PLXDC2: variants seen among roughly 807,000 people sequenced by gnomAD.
PLXDC2 encodes the protein plexin domain containing 2.
Under a neutral mutation model 68.9 loss-of-function variants are expected in PLXDC2, and 40 were observed. The ratio of observed to expected loss-of-function variants is 0.58; its 90% CI spans 0.45 to 0.76. The LOEUF is 0.76. Ranked by LOEUF, PLXDC2 falls within the 30% of genes least tolerant of loss-of-function variation. PLXDC2 has a pLI of 0.00. For synonymous variants in PLXDC2, 243 were observed against 234.2 expected (o/e 1.04, Z -0.34); for missense variants, 644 against 661.9 (o/e 0.97, Z 0.30).
chr10:19,817,078 G>A lies in PLXDC2; in HGVS notation c.-2G>A. 2 of 1,506,282 alleles carry A rather than the reference G, an allele frequency of 1.3e-6. No homozygotes were observed. Among genetic ancestry groups the A allele is most frequent in the Admixed American group, 2.0e-5 (1 of 49,192 alleles). The allele number at this position is 1,506,282 out of a possible 1,614,324, so 93.3% of individuals were successfully genotyped here. ...GTGGGGTAGGGAGGTGGCGGCGGCG[G>A]CATGGCGAGGTTCCCGAAGGCCGAC... On this transcript the variant is annotated 5_prime_UTR_variant, in exon 1 of 14. Transcript: ENST00000377252.
At chr10:19,852,323 G>A (rs1837132940) in intron 1 of PLXDC2, among the ~76,000 whole-genome samples, 1 of 150,152 alleles carries the variant, frequency 6.7e-6, no homozygotes, top group African/African-American at 2.4e-5. Context: ...GGAGGTTGTG[G>A]TACCAGGTAG....
rs11011823 is a variant in PLXDC2 at position 20,139,450 on chromosome 10, T to C, written c.542-3845T>C. Among the ~76,000 whole-genome samples the C allele has an allele frequency of 2.0e-5, 3 of 152,236 alleles. No homozygotes were observed. The East Asian group carries it at 5.8e-4, about 29-fold the overall frequency. On this transcript the variant is annotated intron_variant, in intron 4 of 13. Coordinates refer to ENST00000377252, the MANE Select transcript of PLXDC2 (RefSeq NM_032812.9). Reference sequence around the variant, plus strand: ...AATCACATAGTAAGCAAAGGAGACATTGTATGATTAGCTCTTCAAATGGCT... The same window carrying C: ...AATCACATAGTAAGCAAAGGAGACACTGTATGATTAGCTCTTCAAATGGCT...
rs1231492967 is a variant in PLXDC2 at position 20,063,737 on chromosome 10, G to A, written c.472-4433G>A. Among the ~76,000 whole-genome samples, 10 of 152,206 alleles carry A rather than the reference G, an allele frequency of 6.6e-5. No homozygotes were observed. The South Asian group carries it at 1.2e-3, about 19-fold the overall frequency. On this transcript the variant is annotated intron_variant, in intron 3 of 13. Transcript: ENST00000377252. ...AATGAGTCTGATAGTCTGTTGCCCC[G>A]AGAAATTGTAATGGGGTATGTTTTG...
chr10:20,086,098 T>C (rs532432691), intron 4 of PLXDC2, among the ~76,000 whole-genome samples: 2 of 152,046 alleles, frequency 1.3e-5, no homozygotes, highest in South Asian at 4.2e-4. Context: ...TCATCCTGAG[T>C]TTTTCTTTGG....
intron 1 of PLXDC2, among the ~76,000 whole-genome samples, chr10:19,819,592 A>C (rs1356926628): frequency 6.6e-6 from 1 of 152,246 alleles, no homozygotes; most frequent in East Asian, 1.9e-4. Flanking sequence ...ACATTTTATT[A>C]TGCGTTACTT....
At chr10:20,278,780 C>G (rs190331175) in intron 13 of PLXDC2, among the ~76,000 whole-genome samples, 1 of 152,150 alleles carries the variant, frequency 6.6e-6, no homozygotes, top group African/African-American at 2.4e-5. Flanking sequence ...CATTAGAATT[C>G]TTTAGATAGA....
intron 13 of PLXDC2, among the ~76,000 whole-genome samples, chr10:20,260,506 C>T (rs1038086537): frequency 2.0e-5 from 3 of 152,210 alleles, no homozygotes; most frequent in Non-Finnish European, 2.9e-5. Context: ...GGTTCATCTA[C>T]GTTGTTGCAA....
At chr10:19,846,757 A>T (rs1837016692) in intron 1 of PLXDC2, among the ~76,000 whole-genome samples, 1 of 152,172 alleles carries the variant, frequency 6.6e-6, no homozygotes, top group Non-Finnish European at 1.5e-5. Flanking sequence ...TTGATCTGGC[A>T]TCAAGTGGCC....
intron 6 of PLXDC2, among the ~76,000 whole-genome samples, chr10:20,161,722 G>A (rs1834294734): frequency 6.6e-6 from 1 of 151,940 alleles, no homozygotes; most frequent in Non-Finnish European, 1.5e-5. Flanking sequence ...AGAAGAGATA[G>A]GGAAGAGAGA....
chr10:20,079,650 G>A (rs528645186), intron 4 of PLXDC2, among the ~76,000 whole-genome samples: 2 of 152,280 alleles, frequency 1.3e-5, no homozygotes, highest in South Asian at 4.1e-4. Context: ...GCATGAAGCT[G>A]GAAGCCATCA....
At chr10:20,015,813 A>G (rs1413386377) in intron 2 of PLXDC2, among the ~76,000 whole-genome samples, 5 of 152,188 alleles carry the variant, frequency 3.3e-5, no homozygotes, top group African/African-American at 1.2e-4. Context: ...CTTCCAATAC[A>G]AGCACATAAA....
At chr10:20,184,224 A>G (rs1834648461) in intron 9 of PLXDC2, among the ~76,000 whole-genome samples, 1 of 151,688 alleles carries the variant, frequency 6.6e-6, no homozygotes, top group Non-Finnish European at 1.5e-5. Context: ...TTTTCCATTG[A>G]ATGAACTTAA....
At chr10:19,964,338 G>A (rs1834212329) in intron 1 of PLXDC2, among the ~76,000 whole-genome samples, 1 of 152,142 alleles carries the variant, frequency 6.6e-6, no homozygotes, top group Non-Finnish European at 1.5e-5. Flanking sequence ...AAGAAGGAAG[G>A]GAGGTTGGGC....
chr10:20,009,612 T>C (rs549846741), intron 2 of PLXDC2, among the ~76,000 whole-genome samples: 14 of 151,602 alleles, frequency 9.2e-5, no homozygotes, highest in Non-Finnish European at 2.1e-4. Context: ...AAATACTGCA[T>C]TGGTTCATGA....
At chr10:19,889,745 A>G (rs1837915979) in intron 1 of PLXDC2, among the ~76,000 whole-genome samples, 1 of 152,206 alleles carries the variant, frequency 6.6e-6, no homozygotes, top group East Asian at 1.9e-4. Context: ...CAGGAAAAAC[A>G]TAGATCAAGG....
chr10:20,016,467 A>G (rs968315857), intron 2 of PLXDC2, among the ~76,000 whole-genome samples: 1 of 152,234 alleles, frequency 6.6e-6, no homozygotes, highest in South Asian at 2.1e-4. Context: ...ATGTGATTAT[A>G]GCTTCGCCAC....
chr10:20,178,082 G>T (rs1320016462), intron 9 of PLXDC2, among the ~76,000 whole-genome samples: 2 of 152,164 alleles, frequency 1.3e-5, no homozygotes, highest in Middle Eastern at 3.4e-3. Context: ...CATAGCAAGG[G>T]TGGTTTATAA....
intron 2 of PLXDC2, among the ~76,000 whole-genome samples, chr10:20,002,404 C>T (rs1406918568): frequency 6.6e-6 from 1 of 151,944 alleles, no homozygotes; most frequent in Non-Finnish European, 1.5e-5. Flanking sequence ...GGACTACAGG[C>T]GCATGCCACC....
At chr10:20,062,093 G>A (rs1170487215) in intron 3 of PLXDC2, among the ~76,000 whole-genome samples, 3 of 152,138 alleles carry the variant, frequency 2.0e-5, no homozygotes, top group African/African-American at 7.2e-5. Flanking sequence ...TCGAAGAAGT[G>A]TCTTGACTTT....
Sources: allele counts gnomAD v4.1 joint callset (sites outside exome capture counted in the v4.1 genomes callset), GRCh38; gene constraint gnomAD v4.1.1; transcripts MANE v1.5; gene names NCBI Gene and HGNC (gene_info 2026-07-23, HGNC 2026-07-21).